Variants in PSMG2 observed in about 807,000 individuals in gnomAD.
PSMG2 encodes the protein CD40 ligand-activated specific transcript 3.
A neutral mutation model predicts 31.5 loss-of-function variants in PSMG2; 21 were observed. The ratio of observed to expected loss-of-function variants is 0.67; its 90% confidence interval spans 0.47 to 0.96. The LOEUF (loss-of-function observed/expected upper bound fraction) is 0.96, where lower values mean the gene tolerates loss of function less well. Ranked by LOEUF, PSMG2 falls within the 40% of genes least tolerant of loss-of-function variation. The pLI is 0.00. For missense variants in PSMG2, 318 were observed against 321.2 expected, an observed-to-expected ratio of 0.99 and a Z score of 0.08; for synonymous variants, 120 against 110.4, an observed-to-expected ratio of 1.09 and a Z score of -0.54.
intron 1 of PSMG2, among the ~76,000 whole-genome samples, chr18:12,694,859 T>C (rs936264930): frequency 7.2e-5 from 11 of 151,824 alleles, no homozygotes; most frequent in South Asian, 4.1e-4. Context: ...TACAGGTGCC[T>C]GCCACCACGC....
At chr18:12,709,340 G>A (rs565111070) in intron 2 of PSMG2, among the ~76,000 whole-genome samples, 84 of 151,616 alleles carry the variant, frequency 5.5e-4, no homozygotes, top group African/African-American at 1.8e-3. Flanking sequence ...CACCGCGCCC[G>A]ATTTGAGATG....
At chr18:12,700,618 C>T (rs1789889452), upstream of PSMG2, among the ~76,000 whole-genome samples, 1 of 152,064 alleles carries the variant, frequency 6.6e-6, no homozygotes, top group African/African-American at 2.4e-5. Flanking sequence ...TACGCTTAAT[C>T]TAAAAAAGTT....
chr18:12,684,485 G>GT (rs34972678), intron 1 of PSMG2: 299 of 142,108 alleles, frequency 2.1e-3, no homozygotes, highest in South Asian at 7.5e-3. Flanking sequence ...ATAGTTTTTT[G>GT]TTTTTTTTTT....
At chr18:12,690,629 G>T (rs375382741) in intron 1 of PSMG2, among the ~76,000 whole-genome samples, 2 of 152,014 alleles carry the variant, frequency 1.3e-5, no homozygotes, top group East Asian at 3.9e-4. Context: ...CTAATTTTTT[G>T]TGTTTTTAGT....
upstream of PSMG2, chr18:12,699,779 C>T (rs1568034309): frequency 5.8e-6 from 6 of 1,030,878 alleles, no homozygotes; most frequent in Admixed American, 2.5e-5. Context: ...GACTACACCA[C>T]ATCAATATTT....
chr18:12,711,747 A>ATT (rs1859716548), intron 2 of PSMG2, among the ~76,000 whole-genome samples: 1 of 109,608 alleles, frequency 9.1e-6, no homozygotes, highest in Non-Finnish European at 1.9e-5. Context: ...GGAGCTTCTC[A>ATT]TTCTTTTTTT....
upstream of PSMG2, among the ~76,000 whole-genome samples, chr18:12,698,094 TAAG>T (rs575099393): frequency 6.6e-6 from 1 of 151,238 alleles, no homozygotes; most frequent in African/African-American, 2.4e-5. Flanking sequence ...ATTGGAGAAA[TAAG>T]AAAAAAAAGA....
upstream of PSMG2, chr18:12,700,892 A>T (rs540879758): frequency 2.2e-6 from 3 of 1,338,654 alleles, no homozygotes; most frequent in African/African-American, 1.5e-5. Flanking sequence ...TCGGAACCTT[A>T]TAAGTAGTGT....
At position 12,718,856 on chromosome 18, in the gene PSMG2, C is replaced by T. The variant is rs558021595; in HGVS notation, c.407+221C>T. ...TAGAGTTGGGGCATGGGGAAGACAT[C>T]GTGTAGAGAGAGAGAGTTTGGGAAC... is the stretch of plus-strand genomic sequence containing the variant. On this transcript the variant is annotated intron_variant, in intron 4 of 6. Transcript: ENST00000317615. Among the ~76,000 whole-genome samples, 24 of 152,064 alleles carry T rather than the reference C, an allele frequency of 1.6e-4. No homozygotes were observed. In the South Asian group the frequency reaches 2.1e-3, roughly 13 times the overall value.
intron 5 of PSMG2, among the ~76,000 whole-genome samples, chr18:12,722,889 C>G (rs1941074): frequency 0.8 from 121,974 of 152,204 alleles, 49,359 homozygotes; most frequent in Non-Finnish European, 0.85. Flanking sequence ...AGCACAGCCT[C>G]GGAGCCAGCC....
rs964039615 is a variant in PSMG2, at chr18:12,695,702, A to G, written c.-36-10848A>G. Among the ~76,000 whole-genome samples the G allele has an allele frequency of 3.9e-5, 6 of 152,166 alleles. No individual in the cohort carries two copies. In the South Asian group the frequency reaches 1.2e-3, roughly 32 times the overall value. ...CTTGGTGGGATTACAGGCATGAGCC[A>G]CTACACCTGGCTTTTCTAACAGGTT... On this transcript the variant is annotated intron_variant, in intron 1 of 6. Transcript: ENST00000585331.
chr18:12,711,284 T>C (rs936623819), intron 2 of PSMG2, among the ~76,000 whole-genome samples: 1 of 151,902 alleles, frequency 6.6e-6, no homozygotes, highest in African/African-American at 2.4e-5. Flanking sequence ...AAAAAAAGAA[T>C]TGTATGATAC....
intron 3 of PSMG2, 43 bp downstream of exon 3, chr18:12,712,803 T>G (rs372330277): frequency 6.9e-7 from 1 of 1,458,560 alleles, no homozygotes; most frequent in Non-Finnish European, 9.6e-7. Flanking sequence ...TAAAGTGTAA[T>G]GAGAAAATAA....
Position 12,668,884 on chromosome 18 carries a change from G to A in PSMG2, c.-37+10111G>A, listed in dbSNP as rs143244147. Among the ~76,000 whole-genome samples, 303 of 150,956 alleles carry A rather than the reference G, an allele frequency of 2.0e-3. 2 individuals are homozygous for A. The highest frequency in any genetic ancestry group is 6.9e-3 in the African/African-American group (286 of 41,214). ...GCCTCCCAAGTAGCTGGGATTACAGGTGTGGGCTACTATGCCTGGCTAATT... is the reference window on the plus strand; with the variant it reads ...GCCTCCCAAGTAGCTGGGATTACAGATGTGGGCTACTATGCCTGGCTAATT... On this transcript the variant is annotated intron_variant, in intron 1 of 6. Transcript: ENST00000585331.
intron 3 of PSMG2, 124 bp from the exon 4 acceptor site, chr18:12,718,393 A>C: frequency 2.1e-6 from 1 of 483,040 alleles, no homozygotes; most frequent in East Asian, 3.2e-5. Context: ...ATCTGAAAAT[A>C]ATTTCAGTAT....
chr18:12,688,921 T>G (rs1172975618), intron 1 of PSMG2, among the ~76,000 whole-genome samples: 1 of 152,076 alleles, frequency 6.6e-6, no homozygotes, highest in Non-Finnish European at 1.5e-5. Flanking sequence ...GAGACCATCC[T>G]GGCTAACACA....
At chr18:12,706,471 A>G in intron 1 of PSMG2, 79 bp from the exon 2 acceptor site, 2 of 1,460,540 alleles carry the variant, frequency 1.4e-6, no homozygotes, top group Non-Finnish European at 1.9e-6. Flanking sequence ...TGGGAGACAG[A>G]GGCAGACTCT....
Position 12,724,456 on chromosome 18 carries a change from T to C in PSMG2, c.582-43T>C, listed in dbSNP as rs575227015. ...ACAGACACACTAGAGTCAGCTCTTGTACCCTATGAAAGAATACTGATTCTT... is the reference window on the plus strand; with the variant it reads ...ACAGACACACTAGAGTCAGCTCTTGCACCCTATGAAAGAATACTGATTCTT... On this transcript the variant is annotated intron_variant, in intron 5 of 6. Coordinates refer to ENST00000317615, the MANE Select transcript of PSMG2 (RefSeq NM_020232.5). 4.3e-5 allele frequency: 67 copies of C among 1,548,856 alleles called. 1 individual carries two copies. In the South Asian group the frequency reaches 6.4e-4, roughly 15 times the overall value.
Position 12,725,579 on chromosome 18 carries a change from C to A in PSMG2, c.*48C>A. On this transcript the variant is annotated 3_prime_UTR_variant, in exon 7 of 7. Coordinates refer to ENST00000317615, the MANE Select transcript of PSMG2 (RefSeq NM_020232.5). ...ATACCCAAAACACTTACTACCAACA[C>A]AGCTGTTAAACATTCTATACAAAAA... The A allele has an allele frequency of 7.2e-7, 1 of 1,396,866 alleles. No individual in the cohort carries two copies. Among genetic ancestry groups the A allele is most frequent in the Non-Finnish European group, 1.0e-6 (1 of 998,996 alleles). 86.5% of individuals were successfully genotyped at this position (1,396,866 alleles called of 1,614,324 possible). A position where few individuals can be genotyped will look rare whatever the true frequency, so the allele number is the denominator to read the frequency against.
Sources: allele counts gnomAD v4.1 joint callset (sites outside exome capture counted in the v4.1 genomes callset), GRCh38; gene constraint gnomAD v4.1.1; transcripts MANE v1.5; gene names NCBI Gene and HGNC (gene_info 2026-07-23, HGNC 2026-07-21).